TMED3: variants seen among roughly 807,000 people sequenced by gnomAD.
The protein encoded by TMED3 is transmembrane emp24 domain-containing protein 3.
A neutral mutation model predicts 15.0 loss-of-function variants in TMED3; 9 were observed. The ratio of observed to expected loss-of-function variants is 0.60; its 90% CI spans 0.36 to 1.04. The LOEUF (loss-of-function observed/expected upper bound fraction) is 1.04, where lower values mean the gene tolerates loss of function less well. Among genes scored for constraint, TMED3 ranks in the 50% least tolerant of loss-of-function variants. The probability of loss-of-function intolerance (pLI) is 0.01; values close to 1 mark genes in which losing one functional copy is unlikely to be tolerated. For synonymous variants in TMED3, 117 were observed against 121.4 expected (o/e 0.96, Z 0.24); for missense variants, 267 against 278.9 (o/e 0.96, Z 0.30).
downstream of TMED3, among the ~76,000 whole-genome samples, chr15:79,324,117 A>G (rs550544463): frequency 7.3e-4 from 111 of 152,192 alleles, no homozygotes; most frequent in Middle Eastern, 6.8e-3. Context: ...CAGCCTCCCA[A>G]GTAGCTGGGA....
At chr15:79,378,432 A>G (rs956606802) in intron 2 of TMED3, among the ~76,000 whole-genome samples, 2 of 152,160 alleles carry the variant, frequency 1.3e-5, no homozygotes, top group African/African-American at 4.8e-5. Context: ...TTTTGATTTT[A>G]TGGCTTCTCC....
intron 2 of TMED3, among the ~76,000 whole-genome samples, chr15:79,398,984 C>G (rs1893798891): frequency 6.6e-6 from 1 of 152,176 alleles, no homozygotes; most frequent in South Asian, 2.1e-4. Context: ...GATCTCAGCT[C>G]ACTGCAACCT....
At chr15:79,409,099 T>A (rs1234322481) in intron 2 of TMED3, among the ~76,000 whole-genome samples, 2 of 152,222 alleles carry the variant, frequency 1.3e-5, no homozygotes, top group Non-Finnish European at 2.9e-5. Flanking sequence ...ATAACCTGCA[T>A]TACTAAGAGG....
chr15:79,335,731 TA>T (rs2058824789), intron 2 of TMED3, among the ~76,000 whole-genome samples: 1 of 152,252 alleles, frequency 6.6e-6, no homozygotes, highest in Non-Finnish European at 1.5e-5. Flanking sequence ...TCTAATTATT[TA>T]AAAATTGCAA....
At chr15:79,352,462 A>C (rs1438549076) in intron 2 of TMED3, among the ~76,000 whole-genome samples, 1 of 152,056 alleles carries the variant, frequency 6.6e-6, no homozygotes, top group Non-Finnish European at 1.5e-5. Flanking sequence ...CAAGGATGTC[A>C]ACAGGATTTC....
At position 79,311,215 on chromosome 15, in the gene TMED3, C is replaced by G. The variant is rs753972151; in HGVS notation, c.-35C>G. On this transcript the variant is annotated 5_prime_UTR_variant, in exon 1 of 3. Transcript: ENST00000299705. ...CCCAGCCCGCCGGGGGCGCAGCGCCCGAGCCGCGGCCCTCGAGACGGGACC... is the reference window on the plus strand; with the variant it reads ...CCCAGCCCGCCGGGGGCGCAGCGCCGGAGCCGCGGCCCTCGAGACGGGACC... 4.5e-6 allele frequency: 7 copies of G among 1,562,996 alleles called. No homozygotes were observed. In the South Asian group the frequency reaches 7.0e-5, roughly 16 times the overall value.
At chr15:79,393,878 G>A (rs564186228) in intron 2 of TMED3, among the ~76,000 whole-genome samples, 2 of 151,990 alleles carry the variant, frequency 1.3e-5, no homozygotes, top group African/African-American at 4.8e-5. Flanking sequence ...TAAATTTTTT[G>A]TAGAGACAGG....
chr15:79,390,514 C>T (rs565552719), intron 2 of TMED3, among the ~76,000 whole-genome samples: 99 of 152,106 alleles, frequency 6.5e-4, no homozygotes, highest in Admixed American at 2.4e-3. Flanking sequence ...AGGATTTTAG[C>T]ATCTATGTTC....
At chr15:79,378,646 A>G (rs1482378623) in intron 2 of TMED3, among the ~76,000 whole-genome samples, 2 of 152,216 alleles carry the variant, frequency 1.3e-5, no homozygotes, top group African/African-American at 4.8e-5. Flanking sequence ...ACTTTCTACT[A>G]TAGGATGAGG....
intron 2 of TMED3, among the ~76,000 whole-genome samples, chr15:79,380,447 G>T (rs957529606): frequency 6.9e-5 from 10 of 145,602 alleles, no homozygotes; most frequent in African/African-American, 2.3e-4. Context: ...GTTATATATA[G>T]TTATATATGT....
chr15:79,352,904 CATATA>C (rs1253781972), intron 2 of TMED3, among the ~76,000 whole-genome samples: 3 of 87,910 alleles, frequency 3.4e-5, no homozygotes, highest in Non-Finnish European at 6.5e-5. Context: ...ATAAAATATA[CATATA>C]ATATATATAA....
chr15:79,387,359 A>G (rs560090959), intron 2 of TMED3, among the ~76,000 whole-genome samples: 1 of 152,268 alleles, frequency 6.6e-6, no homozygotes, highest in African/African-American at 2.4e-5. Flanking sequence ...AAATATCTAC[A>G]TATGTGTCAA....
In TMED3 at chr15:79,402,150, C is replaced by T. The variant is rs1304536409; in HGVS notation, c.418-9250C>T. ...ATCAAGAATACATTCTGGAGGTGGT[C>T]GCTGCTGAGGATGGCTAAGGCTCAA... On this transcript the variant is annotated intron_variant, in intron 2 of 2. Transcript: ENST00000424155. Among the ~76,000 whole-genome samples the T allele has an allele frequency of 3.3e-5, 5 of 152,062 alleles. No individual in the cohort carries two copies. In the East Asian group the frequency reaches 5.8e-4, roughly 18 times the overall value.
At position 79,344,265 on chromosome 15, in the gene TMED3, G is replaced by A. The variant is rs137918848; in HGVS notation, c.417+30260G>A. 2.6e-5 allele frequency among the ~76,000 whole-genome samples: 4 copies of A among 152,342 alleles called. No homozygotes were observed. The East Asian group carries it at 7.7e-4, about 29-fold the overall frequency. On this transcript the variant is annotated intron_variant, in intron 2 of 2. Coordinates refer to the TMED3 transcript ENST00000424155. ...GTGAGCCTCGGTGTCAAATGCTGCT[G>A]CTGAGAGCTGGTGTTGGCGTCCTAG...
intron 2 of TMED3, among the ~76,000 whole-genome samples, chr15:79,342,272 G>A (rs2058854390): frequency 7.3e-6 from 1 of 137,096 alleles, no homozygotes; most frequent in Non-Finnish European, 1.6e-5. Flanking sequence ...ATTTTATGTT[G>A]TATGCAACAT....
Position 79,354,516 on chromosome 15 carries a change from G to C in TMED3, c.417+40511G>C, listed in dbSNP as rs142231150. 4.0e-3 allele frequency among the ~76,000 whole-genome samples: 603 copies of C among 152,098 alleles called. 3 individuals are homozygous for C. The highest frequency in any genetic ancestry group is 7.1e-3 in the Non-Finnish European group (480 of 67,996). On this transcript the variant is annotated intron_variant, in intron 2 of 2. Coordinates refer to the TMED3 transcript ENST00000424155. ...TAGTCTTCTTCTATGGATTCTGTCTGCTGATAACAGGTTCTTAGCCTTTGC... is the reference window on the plus strand; with the variant it reads ...TAGTCTTCTTCTATGGATTCTGTCTCCTGATAACAGGTTCTTAGCCTTTGC...
intron 2 of TMED3, among the ~76,000 whole-genome samples, chr15:79,352,558 G>A (rs960658148): frequency 1.3e-5 from 2 of 151,034 alleles, no homozygotes; most frequent in African/African-American, 4.9e-5. Context: ...CTGCACTTAA[G>A]CCCCTAAAAT....
chr15:79,385,779 G>A (rs1004096641), intron 2 of TMED3, among the ~76,000 whole-genome samples: 1 of 152,100 alleles, frequency 6.6e-6, no homozygotes, highest in Admixed American at 6.5e-5. Context: ...TAGCTACAGT[G>A]GCACCTGGGG....
chr15:79,341,349 G>T (rs1301395867), intron 2 of TMED3, among the ~76,000 whole-genome samples: 1 of 152,066 alleles, frequency 6.6e-6, no homozygotes, highest in Non-Finnish European at 1.5e-5. Flanking sequence ...TGGACCATAG[G>T]AAGAGAAGGT....
Sources: gnomAD v4.1 joint callset for allele counts (sites outside exome capture counted in the v4.1 genomes callset) on GRCh38, gnomAD v4.1.1 for gene constraint, MANE v1.5 for transcripts, NCBI Gene and HGNC (gene_info 2026-07-23, HGNC 2026-07-21) for gene names.